SLC36A1: variants seen among roughly 807,000 people sequenced by gnomAD.
The protein encoded by SLC36A1 is solute carrier family 36 member 1.
A neutral mutation model predicts 47.5 loss-of-function variants in SLC36A1; 30 were observed. The ratio of observed to expected loss-of-function variants is 0.63; its 90% CI spans 0.47 to 0.86. SLC36A1 has a LOEUF of 0.86. Among genes scored for constraint, SLC36A1 ranks in the 40% least tolerant of loss-of-function variants. SLC36A1 has a pLI of 0.00. For missense variants in SLC36A1, 517 were observed against 606.0 expected (o/e 0.85, Z 1.54); for synonymous variants, 255 against 249.7 (o/e 1.02, Z -0.20).
chr5:151,535,521 A>G, the SLC36A1 span, among the ~76,000 whole-genome samples: 1 of 149,550 alleles, frequency 6.7e-6, no homozygotes, highest in Non-Finnish European at 1.5e-5. Context: ...CAGGGAGGAC[A>G]TGGGAGCCCC....
chr5:151,486,539 C>T (rs165364), intron 10 of SLC36A1, among the ~76,000 whole-genome samples: 1 of 152,150 alleles, frequency 6.6e-6, no homozygotes, highest in African/African-American at 2.4e-5. Flanking sequence ...AATCCTTCAG[C>T]TGCTCAGCCA....
chr5:151,525,029 A>G, the SLC36A1 span, among the ~76,000 whole-genome samples: 3 of 152,236 alleles, frequency 2.0e-5, no homozygotes, highest in African/African-American at 7.2e-5. Context: ...GACAGGAATC[A>G]TTCCCTCCTT....
the SLC36A1 span, among the ~76,000 whole-genome samples, chr5:151,518,903 G>A: frequency 2.0e-5 from 3 of 152,178 alleles, no homozygotes; most frequent in East Asian, 1.9e-4. Flanking sequence ...AAACCCCAGT[G>A]TAAATAAGCT....
At chr5:151,517,563 C>T in the SLC36A1 span, 3 of 1,606,296 alleles carry the variant, frequency 1.9e-6, no homozygotes, top group Admixed American at 1.7e-5. Context: ...TGCCTCACCC[C>T]CTACCTCCCC....
At chr5:151,474,098 T>G (rs951965102) in intron 8 of SLC36A1, among the ~76,000 whole-genome samples, 2 of 138,366 alleles carry the variant, frequency 1.4e-5, no homozygotes, top group African/African-American at 5.5e-5. Flanking sequence ...AGACGGAGGT[T>G]GCAGTGAGCC....
At chr5:151,358,584 A>T in the SLC36A1 span, among the ~76,000 whole-genome samples, 1 of 152,162 alleles carries the variant, frequency 6.6e-6, no homozygotes, top group Non-Finnish European at 1.5e-5. Context: ...ATGTTTCCTG[A>T]TAAATTTTTC....
At chr5:151,379,934 T>C in the SLC36A1 span, among the ~76,000 whole-genome samples, 1 of 151,244 alleles carries the variant, frequency 6.6e-6, no homozygotes, top group Non-Finnish European at 1.5e-5. Flanking sequence ...GAAAAGAAAA[T>C]AGGTCTCTAA....
At chr5:151,357,946 A>C in the SLC36A1 span, among the ~76,000 whole-genome samples, 1 of 152,224 alleles carries the variant, frequency 6.6e-6, no homozygotes, top group Non-Finnish European at 1.5e-5. Flanking sequence ...AGGCAACCCC[A>C]AGACCAGAAT....
At chr5:151,509,116 G>A in the SLC36A1 span, among the ~76,000 whole-genome samples, 1 of 152,160 alleles carries the variant, frequency 6.6e-6, no homozygotes, top group Middle Eastern at 3.2e-3. Flanking sequence ...GGGGTTCCAG[G>A]CACAGCAGCA....
the SLC36A1 span, chr5:151,542,974 G>T: frequency 3.7e-6 from 6 of 1,614,192 alleles, no homozygotes; most frequent in Admixed American, 6.7e-5. Context: ...TGGATCTTGA[G>T]CTGCCACTGC....
At chr5:151,507,443 G>A in the SLC36A1 span, 22 of 1,614,186 alleles carry the variant, frequency 1.4e-5, no homozygotes, top group Non-Finnish European at 1.8e-5. Context: ...CCACAGGCTT[G>A]TGAGACTTGC....
chr5:151,467,123 A>G lies in SLC36A1; in HGVS notation c.420-76A>G, dbSNP rs557279483. 2.1e-4 allele frequency: 249 copies of G among 1,210,770 alleles called. No individual in the cohort carries two copies. The African/African-American group carries it at 3.6e-3, about 18-fold the overall frequency. 75.0% of individuals were successfully genotyped at this position (1,210,770 alleles called of 1,614,324 possible). On this transcript the variant is annotated intron_variant, in intron 5 of 10. Coordinates refer to ENST00000243389, the MANE Select transcript of SLC36A1 (RefSeq NM_078483.4). ...CCTAAATCTATTAAAAAACAAAAAC[A>G]AAAAACACCTCCCCTTCTGGGAGCA...
chr5:151,380,740 G>A, the SLC36A1 span: 3 of 544,360 alleles, frequency 5.5e-6, no homozygotes, highest in South Asian at 4.2e-5. Flanking sequence ...CCAAGATGAA[G>A]TGGGAAGCCC....
the SLC36A1 span, among the ~76,000 whole-genome samples, chr5:151,517,178 C>T: frequency 6.6e-6 from 1 of 151,924 alleles, no homozygotes; most frequent in African/African-American, 2.4e-5. Context: ...CACAGGCAGA[C>T]TGTGACCTTC....
At chr5:151,371,038 T>C in the SLC36A1 span, among the ~76,000 whole-genome samples, 1 of 152,132 alleles carries the variant, frequency 6.6e-6, no homozygotes, top group Non-Finnish European at 1.5e-5. Context: ...GTTATCATTC[T>C]GTGCATTGTA....
At chr5:151,482,986 A>G (rs913040425) in intron 10 of SLC36A1, among the ~76,000 whole-genome samples, 1 of 152,150 alleles carries the variant, frequency 6.6e-6, no homozygotes. Context: ...GCAGTGAGCC[A>G]AGATCGCGCC....
chr5:151,531,021 G>C, the SLC36A1 span, among the ~76,000 whole-genome samples: 1 of 152,224 alleles, frequency 6.6e-6, no homozygotes, highest in African/African-American at 2.4e-5. This position sits in a 1 kb window ranked among gnomAD's most constrained non-coding sequence, Gnocchi z 5.7. Context: ...GCTGACCTGG[G>C]TGGCCTCTGA....
the SLC36A1 span, chr5:151,551,004 T>C: frequency 1.3e-5 from 10 of 780,570 alleles, no homozygotes; most frequent in Non-Finnish European, 2.1e-5. Flanking sequence ...TAAATATTTG[T>C]TGAATGAATG....
At chr5:151,428,401 G>A in the SLC36A1 span, among the ~76,000 whole-genome samples, 2 of 152,140 alleles carry the variant, frequency 1.3e-5, no homozygotes, top group African/African-American at 4.8e-5. Flanking sequence ...GGAGGAGCAA[G>A]GGGTGGCCTA....
Sources: gnomAD v4.1 joint callset for allele counts (sites outside exome capture counted in the v4.1 genomes callset) on GRCh38, gnomAD v4.1.1 for gene constraint, Gnocchi (gnomAD v3.1) non-coding constraint, MANE v1.5 for transcripts, NCBI Gene and HGNC (gene_info 2026-07-23, HGNC 2026-07-21) for gene names.